The following MTUS2 variants were observed in gnomAD, a reference collection of about 807,000 sequenced individuals.
MTUS2 encodes microtubule associated scaffold protein 2, also known as microtubule-associated tumor suppressor candidate 2.
A neutral mutation model predicts 114.1 loss-of-function variants in MTUS2; 40 were observed. That is an observed-to-expected ratio of 0.35 (90% CI 0.27 to 0.46). MTUS2 has a LOEUF of 0.46. MTUS2 is among the 20% of genes least tolerant of loss of function. The pLI is 1.00. For missense variants in MTUS2, 1,679 were observed against 1,705.4 expected, an observed-to-expected ratio of 0.98 and a Z score of 0.27; for synonymous variants, 688 against 672.0, an observed-to-expected ratio of 1.02 and a Z score of -0.37.
intron 8 of MTUS2, among the ~76,000 whole-genome samples, chr13:29,410,678 T>A (rs1473526006): frequency 6.6e-6 from 1 of 152,246 alleles, no homozygotes; most frequent in Non-Finnish European, 1.5e-5. Flanking sequence ...TCCTAGTTTG[T>A]CAGTTATTTT....
In MTUS2 at chr13:29,504,835, G is replaced by A. The variant is rs547949842; in HGVS notation, c.*1629G>A. 2 of 232,938 alleles carry A rather than the reference G, an allele frequency of 8.6e-6. No individual in the cohort carries two copies. Among genetic ancestry groups the A allele is most frequent in the South Asian group, 1.8e-4 (1 of 5,520 alleles). The allele number at this position is 232,938 out of a possible 1,614,324, so 14.4% of individuals were successfully genotyped here. Reference sequence around the variant, plus strand: ...GTGCCCAAGGCGAGAAGAACCATGAGGGGGTCCTGCAGGGGCCGGAGCCAT... The same window carrying A: ...GTGCCCAAGGCGAGAAGAACCATGAAGGGGTCCTGCAGGGGCCGGAGCCAT... On this transcript the variant is annotated 3_prime_UTR_variant, in exon 16 of 16. Coordinates refer to ENST00000612955, the MANE Select transcript of MTUS2 (RefSeq NM_001033602.4).
intron 5 of MTUS2, among the ~76,000 whole-genome samples, chr13:29,201,993 C>T (rs1038673510): frequency 2.6e-5 from 4 of 152,108 alleles, no homozygotes; most frequent in African/African-American, 4.8e-5. Context: ...TGGGGTTGCT[C>T]TTCTCGAGGA....
chr13:29,086,953 G>C (rs932736082), intron 4 of MTUS2, among the ~76,000 whole-genome samples: 1 of 152,094 alleles, frequency 6.6e-6, no homozygotes, highest in Non-Finnish European at 1.5e-5. Flanking sequence ...TATTAATTTT[G>C]TATTCTGAAA....
chr13:29,386,439 G>A (rs547280533), intron 8 of MTUS2, among the ~76,000 whole-genome samples: 1 of 152,180 alleles, frequency 6.6e-6, no homozygotes, highest in Non-Finnish European at 1.5e-5. Flanking sequence ...AGAGATCTAG[G>A]TGAGGGATGA....
chr13:29,085,176 T>C (rs141992086), intron 4 of MTUS2, among the ~76,000 whole-genome samples: 1 of 152,312 alleles, frequency 6.6e-6, no homozygotes, highest in Non-Finnish European at 1.5e-5. Flanking sequence ...TCCTGACATC[T>C]CACTAGAAGC....
chr13:28,927,874 A>G (rs1018688176), intron 2 of MTUS2, among the ~76,000 whole-genome samples: 2 of 152,202 alleles, frequency 1.3e-5, no homozygotes, highest in African/African-American at 2.4e-5. Context: ...TATACTACAA[A>G]GCTACAGTAA....
intron 5 of MTUS2, among the ~76,000 whole-genome samples, chr13:29,168,629 C>G (rs1893417619): frequency 6.6e-6 from 1 of 152,180 alleles, no homozygotes; most frequent in South Asian, 2.1e-4. Flanking sequence ...ACAAGGAGGC[C>G]CTCATTTTTG....
At chr13:28,994,533 C>T (rs1159073608) in intron 2 of MTUS2, among the ~76,000 whole-genome samples, 1 of 152,178 alleles carries the variant, frequency 6.6e-6, no homozygotes, top group African/African-American at 2.4e-5. Flanking sequence ...TAAAAGTGTT[C>T]CTATTTCTCC....
chr13:29,376,037 ATATGTG>A (rs1374647639), intron 8 of MTUS2, among the ~76,000 whole-genome samples: 2 of 97,996 alleles, frequency 2.0e-5, no homozygotes, highest in African/African-American at 9.0e-5. Context: ...GTATATATAT[ATATGTG>A]TGTGTGTGTG....
intron 5 of MTUS2, among the ~76,000 whole-genome samples, chr13:29,280,703 G>A (rs997948595): frequency 1.5e-4 from 23 of 152,104 alleles, no homozygotes; most frequent in African/African-American, 5.6e-4. Context: ...ATGGTAGATG[G>A]TCATATTCCT....
chr13:29,250,464 T>C (rs1897083844), intron 5 of MTUS2: 1 of 151,616 alleles, frequency 6.6e-6, no homozygotes, highest in South Asian at 2.1e-4. Context: ...TTGGAAATAA[T>C]GCAAGCATTT....
intron 2 of MTUS2, among the ~76,000 whole-genome samples, chr13:28,892,578 G>C (rs1277390004): frequency 6.6e-6 from 1 of 152,186 alleles, no homozygotes; most frequent in Non-Finnish European, 1.5e-5. Context: ...TCAGATTGAA[G>C]ATGACTCTGG....
intron 5 of MTUS2, among the ~76,000 whole-genome samples, chr13:29,254,150 G>T (rs1897219773): frequency 6.6e-6 from 1 of 152,198 alleles, no homozygotes; most frequent in South Asian, 2.1e-4. Context: ...GGATGAGAGG[G>T]TTGGGTTGCA....
At chr13:28,842,035 C>G (rs1875542477) in intron 2 of MTUS2, among the ~76,000 whole-genome samples, 1 of 152,126 alleles carries the variant, frequency 6.6e-6, no homozygotes, top group Admixed American at 6.5e-5. Context: ...CCATTCCCCT[C>G]TATGTGTATG....
At chr13:29,086,624 A>G (rs1889703617) in intron 4 of MTUS2, among the ~76,000 whole-genome samples, 1 of 152,106 alleles carries the variant, frequency 6.6e-6, no homozygotes, top group Non-Finnish European at 1.5e-5. Context: ...TTGGTTCCAT[A>G]TGAATTTGAG....
Position 29,392,753 on chromosome 13 carries a change from A to G in MTUS2, c.3117+33280A>G, listed in dbSNP as rs571237642. Among the ~76,000 whole-genome samples, 5 of 152,052 alleles carry G rather than the reference A, an allele frequency of 3.3e-5. No individual in the cohort carries two copies. In the South Asian group the frequency reaches 1.0e-3, roughly 32 times the overall value. The stretch of plus-strand genomic sequence containing the variant: ...GATTACCAGGAGTTTCAAGGAGGGA[A>G]AAATGTCCAGTTTCAACCTGGGATA... On this transcript the variant is annotated intron_variant, in intron 8 of 15. Transcript: ENST00000612955.
At position 28,970,096 on chromosome 13, in the gene MTUS2, T is replaced by G. The variant is rs978640818; in HGVS notation, c.-242-54361T>G. ...CACCTGGCCAAAACCATGTAATATGTTATTGTTAACTATAGCCATCCTACA... is the reference window on the plus strand; with the variant it reads ...CACCTGGCCAAAACCATGTAATATGGTATTGTTAACTATAGCCATCCTACA... On this transcript the variant is annotated intron_variant, in intron 2 of 15. Transcript: ENST00000612955. 2.6e-5 allele frequency among the ~76,000 whole-genome samples: 4 copies of G among 152,216 alleles called. 1 individual carries two copies. Among genetic ancestry groups the G allele is most frequent in the Non-Finnish European group, 5.9e-5 (4 of 68,048 alleles).
At chr13:29,498,369 G>C (rs1220117674) in intron 13 of MTUS2, 49 bp from the exon 14 acceptor site, 2 of 1,610,842 alleles carry the variant, frequency 1.2e-6, no homozygotes, top group South Asian at 2.2e-5. Context: ...TTAATACTGG[G>C]TTTTGCCGGG....
At position 29,132,067 on chromosome 13, in the gene MTUS2, C is replaced by T. The variant is rs575790614; in HGVS notation, c.2644+31097C>T. Among the ~76,000 whole-genome samples the T allele has an allele frequency of 3.3e-5, 5 of 152,346 alleles. No individual in the cohort carries two copies. In the South Asian group the frequency reaches 1.0e-3, roughly 32 times the overall value. ...GCTGGGAAGTAGTACAGCCAGGTTT[C>T]AGCCCAAATATTGACATGACCCCAG... On this transcript the variant is annotated intron_variant, in intron 5 of 15. Transcript: ENST00000612955.
Sources: gnomAD v4.1 joint callset for allele counts (sites outside exome capture counted in the v4.1 genomes callset) on GRCh38, gnomAD v4.1.1 for gene constraint, MANE v1.5 for transcripts, NCBI Gene and HGNC (gene_info 2026-07-23, HGNC 2026-07-21) for gene names.